FHIT: variants seen among roughly 807,000 people sequenced by gnomAD.
FHIT encodes fragile histidine triad diadenosine triphosphatase.
Under a neutral mutation model 17.9 loss-of-function variants are expected in FHIT, and 19 were observed. The ratio of observed to expected loss-of-function variants is 1.06; its 90% CI spans 0.74 to 1.56. The LOEUF (loss-of-function observed/expected upper bound fraction) is 1.56. FHIT is among the 40% of genes most tolerant of loss of function. The pLI is 0.00. For missense variants in FHIT, 248 were observed against 189.2 expected, an observed-to-expected ratio of 1.31 and a Z score of -1.82; for synonymous variants, 81 against 69.7, an observed-to-expected ratio of 1.16 and a Z score of -0.81.
chr3:60,376,214 C>T (rs1376268050), intron 5 of FHIT, among the ~76,000 whole-genome samples: 1 of 152,130 alleles, frequency 6.6e-6, no homozygotes, highest in Non-Finnish European at 1.5e-5. Flanking sequence ...CACAAAAGCC[C>T]ATGCTTGACA....
chr3:60,606,381 C>T (rs1553671242), intron 4 of FHIT, among the ~76,000 whole-genome samples: 1 of 151,952 alleles, frequency 6.6e-6, no homozygotes, highest in Non-Finnish European at 1.5e-5. Flanking sequence ...GCTGGGACTA[C>T]AGATGCCCAC....
chr3:61,231,483 G>C (rs532094090), intron 1 of FHIT, among the ~76,000 whole-genome samples: 1 of 147,266 alleles, frequency 6.8e-6, no homozygotes, highest in Non-Finnish European at 1.5e-5. Flanking sequence ...AGTGAGTCTC[G>C]GTCTCTTACG....
chr3:60,387,601 C>T (rs941678183), intron 5 of FHIT, among the ~76,000 whole-genome samples: 1 of 152,092 alleles, frequency 6.6e-6, no homozygotes, highest in Non-Finnish European at 1.5e-5. Context: ...ACCTTTCTGC[C>T]TCTGCTCTAC....
intron 5 of FHIT, among the ~76,000 whole-genome samples, chr3:60,038,178 C>T (rs933965536): frequency 6.6e-6 from 1 of 152,106 alleles, no homozygotes; most frequent in African/African-American, 2.4e-5. Flanking sequence ...CTAACCACTG[C>T]CACATGTACA....
intron 4 of FHIT, among the ~76,000 whole-genome samples, chr3:60,558,843 C>T (rs1436507652): frequency 2.0e-5 from 3 of 152,178 alleles, no homozygotes; most frequent in African/African-American, 4.8e-5. Context: ...TTGCTCATTT[C>T]ACTTTTCGGC....
At chr3:60,469,513 T>C (rs983866380) in intron 5 of FHIT, among the ~76,000 whole-genome samples, 1 of 152,180 alleles carries the variant, frequency 6.6e-6, no homozygotes, top group African/African-American at 2.4e-5. Context: ...TATATCTCCC[T>C]CTCTTCATTA....
intron 4 of FHIT, among the ~76,000 whole-genome samples, chr3:60,546,372 G>A (rs1038752470): frequency 6.6e-6 from 1 of 152,082 alleles, no homozygotes; most frequent in Non-Finnish European, 1.5e-5. Context: ...AATGCTTAGT[G>A]TTTAAAAGCA....
chr3:60,426,147 G>A (rs931491036), intron 5 of FHIT, among the ~76,000 whole-genome samples: 1 of 152,122 alleles, frequency 6.6e-6, no homozygotes, highest in Non-Finnish European at 1.5e-5. Context: ...TAAGCTCATT[G>A]ACCTTGGACT....
intron 4 of FHIT, among the ~76,000 whole-genome samples, chr3:60,622,431 AAGG>A (rs1331369775): frequency 6.6e-6 from 1 of 152,082 alleles, no homozygotes; most frequent in Non-Finnish European, 1.5e-5. Context: ...ATTAGGTGGG[AAGG>A]ACTAACACAC....
intron 8 of FHIT, among the ~76,000 whole-genome samples, chr3:59,893,083 C>A (rs955968096): frequency 1.3e-5 from 2 of 152,150 alleles, no homozygotes; most frequent in Non-Finnish European, 2.9e-5. Flanking sequence ...GGTCAGTGAA[C>A]AATATTATTA....
chr3:59,913,367 G>C (rs936466315), intron 8 of FHIT, among the ~76,000 whole-genome samples: 2 of 152,150 alleles, frequency 1.3e-5, no homozygotes, highest in South Asian at 2.1e-4. Flanking sequence ...CTAAAGCAAA[G>C]GGTGATAGAA....
At chr3:60,578,861 TTACAGA>T (rs2037661522) in intron 4 of FHIT, among the ~76,000 whole-genome samples, 2 of 152,164 alleles carry the variant, frequency 1.3e-5, no homozygotes, top group Admixed American at 6.6e-5. Context: ...TCTTTTACTA[TTACAGA>T]TAGCTAATTC....
chr3:60,515,009 C>T (rs2035097418), intron 5 of FHIT, among the ~76,000 whole-genome samples: 1 of 151,494 alleles, frequency 6.6e-6, no homozygotes, highest in Non-Finnish European at 1.5e-5. Flanking sequence ...AGCTGGTTAC[C>T]GCATTCCCTG....
intron 4 of FHIT, among the ~76,000 whole-genome samples, chr3:60,765,750 G>A (rs1699828241): frequency 6.6e-6 from 1 of 152,232 alleles, no homozygotes; most frequent in Admixed American, 6.5e-5. Flanking sequence ...CAGTGGACTG[G>A]AGAGAAAGAT....
At chr3:60,110,260 T>C (rs1045874459) in intron 5 of FHIT, among the ~76,000 whole-genome samples, 7 of 152,170 alleles carry the variant, frequency 4.6e-5, no homozygotes, top group Admixed American at 1.3e-4. Flanking sequence ...TATACTAACA[T>C]TCAGTATAAA....
chr3:61,056,682 A>T (rs1174412186), intron 2 of FHIT, among the ~76,000 whole-genome samples: 1 of 152,186 alleles, frequency 6.6e-6, no homozygotes, highest in Non-Finnish European at 1.5e-5. Context: ...GGAAGGACAG[A>T]TGACCCACAC....
intron 5 of FHIT, among the ~76,000 whole-genome samples, chr3:60,116,713 CAAGCAGGT>C (rs1288353869): frequency 1.3e-5 from 2 of 152,186 alleles, no homozygotes; most frequent in South Asian, 2.1e-4. Flanking sequence ...AAGGATCAAG[CAAGCAGGT>C]AAGGCAGATT....
intron 5 of FHIT, among the ~76,000 whole-genome samples, chr3:60,073,009 C>T (rs891051680): frequency 6.6e-6 from 1 of 152,144 alleles, no homozygotes; most frequent in African/African-American, 2.4e-5. Flanking sequence ...TGACTGCTTA[C>T]ATATTCATGG....
At chr3:61,127,377 C>T (rs539077109) in intron 2 of FHIT, among the ~76,000 whole-genome samples, 1 of 151,942 alleles carries the variant, frequency 6.6e-6, no homozygotes, top group African/African-American at 2.4e-5. Flanking sequence ...TATAAAAGAT[C>T]GATACAGGTG....
Sources: gnomAD v4.1 joint callset for allele counts (sites outside exome capture counted in the v4.1 genomes callset) on GRCh38, gnomAD v4.1.1 for gene constraint, MANE v1.5 for transcripts, NCBI Gene and HGNC (gene_info 2026-07-23, HGNC 2026-07-21) for gene names.